Variants in TNKS observed in about 807,000 individuals in gnomAD.
The protein encoded by TNKS is tankyrase, also known as poly [ADP-ribose] polymerase tankyrase-1.
Under a neutral mutation model 135.8 loss-of-function variants are expected in TNKS, and 72 were observed. That is an observed-to-expected ratio of 0.53 (90% CI 0.44 to 0.64). The LOEUF (loss-of-function observed/expected upper bound fraction) is 0.64. TNKS is among the 30% of genes least tolerant of loss of function. TNKS has a pLI of 0.00. For missense variants in TNKS, 1,769 were observed against 1,674.0 expected (o/e 1.06, Z -0.99); for synonymous variants, 849 against 649.3 (o/e 1.31, Z -4.68).
intron 1 of TNKS, among the ~76,000 whole-genome samples, chr8:9,565,799 G>A (rs188379268): frequency 0.012 from 1,830 of 152,198 alleles, 36 homozygotes; most frequent in African/African-American, 0.04. Context: ...AGAGCTTGCA[G>A]TGAGCCGAGA....
chr8:9,726,727 C>CAGTG lies in TNKS; in HGVS notation c.2001+8_2001+11dup. The CAGTG allele has an allele frequency of 6.2e-7, 1 of 1,609,064 alleles. No homozygotes were observed. Among genetic ancestry groups the CAGTG allele is most frequent in the Admixed American group, 1.7e-5 (1 of 59,680 alleles). On this transcript the variant is annotated splice_region_variant and intron_variant, in intron 13 of 26. Transcript: ENST00000310430. ...AGACTTGGAAACTGTGAAGGTAAGTCAGTGCCCTTAATATCTGGAATAGCA... is the reference window on the plus strand; with the variant it reads ...AGACTTGGAAACTGTGAAGGTAAGTCAGTGAGTGCCCTTAATATCTGGAATAGCA...
intron 3 of TNKS, among the ~76,000 whole-genome samples, chr8:9,648,944 G>T (rs888419194): frequency 7.4e-6 from 1 of 134,446 alleles, no homozygotes; most frequent in African/African-American, 2.7e-5. Context: ...ATTCCTGGGA[G>T]AAAAAAAAAA....
At chr8:9,769,292 T>C (rs909028714) in intron 25 of TNKS, among the ~76,000 whole-genome samples, 3 of 152,222 alleles carry the variant, frequency 2.0e-5, no homozygotes, top group Admixed American at 2.0e-4. Flanking sequence ...GTGTATATAA[T>C]AGACTTTCTT....
chr8:9,619,352 A>C (rs1448181311), intron 3 of TNKS, among the ~76,000 whole-genome samples: 1 of 152,174 alleles, frequency 6.6e-6, no homozygotes, highest in African/African-American at 2.4e-5. Flanking sequence ...CAGAGTGGAA[A>C]GGATAGAGGG....
At chr8:9,577,238 T>C (rs1258518750) in intron 1 of TNKS, among the ~76,000 whole-genome samples, 1 of 152,210 alleles carries the variant, frequency 6.6e-6, no homozygotes, top group African/African-American at 2.4e-5. Flanking sequence ...TGTATACCTA[T>C]TGATCTAGTA....
intron 3 of TNKS, among the ~76,000 whole-genome samples, chr8:9,623,550 T>C (rs1799945461): frequency 6.6e-6 from 1 of 152,118 alleles, no homozygotes; most frequent in Non-Finnish European, 1.5e-5. Context: ...ACTTTATTGC[T>C]AAGAAATGCT....
intron 3 of TNKS, among the ~76,000 whole-genome samples, chr8:9,622,030 C>T (rs12680098): frequency 0.72 from 109,271 of 152,048 alleles, 39,518 homozygotes; most frequent in Middle Eastern, 0.8. Context: ...GAAAATTATA[C>T]GAATAGTTTA....
intron 2 of TNKS, among the ~76,000 whole-genome samples, chr8:9,583,195 A>T (rs530660874): frequency 1.3e-5 from 2 of 151,572 alleles, no homozygotes; most frequent in East Asian, 3.9e-4. Context: ...GTCCATTTAG[A>T]AATCTTGAAC....
intron 2 of TNKS, among the ~76,000 whole-genome samples, chr8:9,602,471 C>G (rs1799053902): frequency 6.6e-6 from 1 of 152,178 alleles, no homozygotes; most frequent in African/African-American, 2.4e-5. Context: ...GCTTCCCATC[C>G]TCTCTTGTTC....
At chr8:9,556,791 T>C (rs567077347) in intron 1 of TNKS, 179 bp downstream of exon 1, 42 of 394,094 alleles carry the variant, frequency 1.1e-4, no homozygotes, top group Middle Eastern at 5.5e-4. Flanking sequence ...GGGGGCGTGG[T>C]TGGGGGGGAT....
intron 3 of TNKS, among the ~76,000 whole-genome samples, chr8:9,645,643 C>T (rs186104871): frequency 7.7e-4 from 117 of 152,208 alleles, no homozygotes; most frequent in Non-Finnish European, 1.5e-3. Context: ...GGGAAACAGG[C>T]ATCATGGTCT....
chr8:9,691,599 C>G (rs891655631), intron 5 of TNKS, among the ~76,000 whole-genome samples: 1 of 152,132 alleles, frequency 6.6e-6, no homozygotes, highest in Admixed American at 6.5e-5. Context: ...TTTTAACTTG[C>G]CGTGTTAATC....
intron 11 of TNKS, among the ~76,000 whole-genome samples, chr8:9,711,642 GA>G (rs1309438982): frequency 2.6e-5 from 4 of 152,130 alleles, no homozygotes; most frequent in Non-Finnish European, 4.4e-5. Context: ...ATAGTTCTCT[GA>G]GGACAAATGA....
intron 9 of TNKS, among the ~76,000 whole-genome samples, chr8:9,709,094 A>G (rs1804193477): frequency 6.6e-6 from 1 of 152,188 alleles, no homozygotes; most frequent in African/African-American, 2.4e-5. Flanking sequence ...CTAAATTCAG[A>G]ATTTAAGCAT....
At chr8:9,721,001 G>T (rs1048589078) in intron 12 of TNKS, among the ~76,000 whole-genome samples, 4 of 152,012 alleles carry the variant, frequency 2.6e-5, no homozygotes, top group Non-Finnish European at 4.4e-5. Context: ...ATAATTATAG[G>T]CCGGGCACAG....
intron 11 of TNKS, among the ~76,000 whole-genome samples, chr8:9,711,406 A>C (rs1804329306): frequency 6.6e-6 from 1 of 152,186 alleles, no homozygotes; most frequent in Non-Finnish European, 1.5e-5. Context: ...AGTGTACTTT[A>C]CTTGTGTCCA....
chr8:9,698,192 C>G (rs921872185), intron 5 of TNKS, among the ~76,000 whole-genome samples: 1 of 151,970 alleles, frequency 6.6e-6, no homozygotes, highest in Non-Finnish European at 1.5e-5. Context: ...TAAGTGGGAT[C>G]TAAACATTGA....
In TNKS at chr8:9,656,614, T is replaced by TC. The variant is rs1036286675; in HGVS notation, c.995-23337_995-23336insC. Reference sequence around the variant, plus strand: ...CATTCTTAAAGAAAAGAATTTTCTTTTTTTTTTTTTTTAATTTATTTTTTT... The same window carrying TC: ...CATTCTTAAAGAAAAGAATTTTCTTTCTTTTTTTTTTTTAATTTATTTTTTT... On this transcript the variant is annotated intron_variant, in intron 3 of 26. Transcript: ENST00000310430. Among the ~76,000 whole-genome samples the TC allele has an allele frequency of 7.5e-4, 112 of 148,900 alleles. 1 individual carries two copies. Among genetic ancestry groups the TC allele is most frequent in the African/African-American group, 2.4e-3 (98 of 40,124 alleles).
At chr8:9,566,545 C>A (rs187080801) in intron 1 of TNKS, 1 of 148,778 alleles carries the variant, frequency 6.7e-6, no homozygotes, top group South Asian at 2.1e-4. Context: ...TTCTGATCTT[C>A]TGACATTCTT....
Sources: gnomAD v4.1 joint callset for allele counts (sites outside exome capture counted in the v4.1 genomes callset) on GRCh38, gnomAD v4.1.1 for gene constraint, MANE v1.5 for transcripts, NCBI Gene and HGNC (gene_info 2026-07-23, HGNC 2026-07-21) for gene names.